AGBL4: variants seen among roughly 807,000 people sequenced by gnomAD.
AGBL4 encodes cytosolic carboxypeptidase 6.
Under a neutral mutation model 66.4 loss-of-function variants are expected in AGBL4, and 58 were observed. The ratio of observed to expected loss-of-function variants is 0.87; its 90% confidence interval spans 0.71 to 1.09. The LOEUF (loss-of-function observed/expected upper bound fraction) is 1.09, where lower values mean the gene tolerates loss of function less well. Ranked by LOEUF, AGBL4 falls within the 50% of genes least tolerant of loss-of-function variation. The probability of loss-of-function intolerance (pLI) is 0.00; values close to 1 mark genes in which losing one functional copy is unlikely to be tolerated. For missense variants in AGBL4, 579 were observed against 631.0 expected (o/e 0.92, Z 0.88); for synonymous variants, 234 against 222.9 (o/e 1.05, Z -0.44).
chr1:49,845,027 A>T, intron 2 of AGBL4: 1 of 1,437,986 alleles, frequency 7.0e-7, no homozygotes, highest in South Asian at 1.3e-5. Flanking sequence ...AAAAGGGAGA[A>T]GCCAGACCTA....
intron 5 of AGBL4, among the ~76,000 whole-genome samples, chr1:48,930,483 T>G (rs1197069152): frequency 6.6e-6 from 1 of 152,144 alleles, no homozygotes; most frequent in Admixed American, 6.6e-5. Context: ...AATAGCAACC[T>G]AGATAGCCAA....
Position 48,736,444 on chromosome 1 carries a change from C to G in AGBL4, c.635-73203G>C. 6.2e-7 allele frequency: 1 copy of G among 1,614,122 alleles called. No homozygotes were observed. Among genetic ancestry groups the G allele is most frequent in the Non-Finnish European group, 8.5e-7 (1 of 1,180,014 alleles). On this transcript the variant is annotated intron_variant, in intron 6 of 13. Coordinates refer to ENST00000371839, the MANE Select transcript of AGBL4 (RefSeq NM_032785.4). The surrounding 1 kb of genome is among the most constrained non-coding windows in gnomAD (Gnocchi z 4.0). Reference sequence around the variant, plus strand: ...CCTCATCAACCCAAATCCCGCTTCCCAGATGGACCTGAGAGGAATAAGAAC... The same window carrying G: ...CCTCATCAACCCAAATCCCGCTTCCGAGATGGACCTGAGAGGAATAAGAAC...
intron 6 of AGBL4, among the ~76,000 whole-genome samples, chr1:48,690,603 TA>T (rs1293771784): frequency 1.3e-5 from 2 of 152,104 alleles, no homozygotes; most frequent in Non-Finnish European, 2.9e-5. Flanking sequence ...TTTTCACATA[TA>T]AGATGTATTA....
intron 3 of AGBL4, among the ~76,000 whole-genome samples, chr1:49,309,249 A>AT (rs1197922024): frequency 1.3e-5 from 2 of 152,044 alleles, no homozygotes; most frequent in African/African-American, 4.8e-5. Flanking sequence ...TGATTATTGT[A>AT]TTTTTTAAGA....
At chr1:49,273,863 T>A (rs1557791721) in intron 3 of AGBL4, among the ~76,000 whole-genome samples, 1 of 151,932 alleles carries the variant, frequency 6.6e-6, no homozygotes, top group South Asian at 2.1e-4. Context: ...TGTATTTTTT[T>A]AGTAGAGACG....
At chr1:48,685,894 T>A (rs1472178049) in intron 6 of AGBL4, among the ~76,000 whole-genome samples, 3 of 152,248 alleles carry the variant, frequency 2.0e-5, no homozygotes, top group Non-Finnish European at 4.4e-5. Context: ...CTAAAATTGT[T>A]GTGGAGCAGC....
At chr1:49,506,910 T>C (rs984249025) in intron 3 of AGBL4, among the ~76,000 whole-genome samples, 4 of 152,132 alleles carry the variant, frequency 2.6e-5, no homozygotes, top group South Asian at 2.1e-4. Context: ...GTGTATTTCA[T>C]TGATGGTTCC....
intron 5 of AGBL4, among the ~76,000 whole-genome samples, chr1:48,998,820 T>C (rs994127137): frequency 2.0e-5 from 3 of 152,186 alleles, no homozygotes; most frequent in African/African-American, 7.2e-5. Flanking sequence ...TTGGGTTTCC[T>C]TGACTATTAT....
intron 4 of AGBL4, among the ~76,000 whole-genome samples, chr1:49,106,245 G>A (rs1048858776): frequency 2.0e-5 from 3 of 152,148 alleles, no homozygotes; most frequent in African/African-American, 7.2e-5. Context: ...TTTACCAAAA[G>A]GGTTTTACCT....
chr1:48,956,072 T>C (rs576611774), intron 5 of AGBL4, among the ~76,000 whole-genome samples: 6 of 152,246 alleles, frequency 3.9e-5, no homozygotes, highest in Non-Finnish European at 8.8e-5. Context: ...TTAGGCCCTG[T>C]TGCATTTGCC....
chr1:49,812,484 C>T (rs1043311754), intron 2 of AGBL4, among the ~76,000 whole-genome samples: 10 of 152,102 alleles, frequency 6.6e-5, no homozygotes, highest in African/African-American at 2.4e-4. Flanking sequence ...CAAAAAAGAG[C>T]CAGTTCCATT....
At chr1:50,012,128 C>T (rs1277398634) in intron 1 of AGBL4, among the ~76,000 whole-genome samples, 1 of 147,538 alleles carries the variant, frequency 6.8e-6, no homozygotes. Context: ...CACTGCAGTC[C>T]GCAATCCGGC....
At chr1:48,631,314 G>A (rs756601402) in intron 9 of AGBL4, among the ~76,000 whole-genome samples, 1 of 152,206 alleles carries the variant, frequency 6.6e-6, no homozygotes, top group Non-Finnish European at 1.5e-5. Context: ...GAAGTCAAAT[G>A]TGAATTTGAA....
At chr1:49,503,748 A>AT (rs1329274642) in intron 3 of AGBL4, among the ~76,000 whole-genome samples, 8 of 152,220 alleles carry the variant, frequency 5.3e-5, no homozygotes. Flanking sequence ...GTTTAGGCCA[A>AT]TTTCTCTCAT....
intron 3 of AGBL4, among the ~76,000 whole-genome samples, chr1:49,347,116 G>A (rs1187571185): frequency 1.3e-5 from 2 of 152,064 alleles, no homozygotes; most frequent in Non-Finnish European, 2.9e-5. Context: ...TTTGTCACAA[G>A]CCCTTGTAGA....
intron 3 of AGBL4, among the ~76,000 whole-genome samples, chr1:49,380,774 G>T (rs1644586248): frequency 6.6e-6 from 1 of 152,126 alleles, no homozygotes; most frequent in South Asian, 2.1e-4. Flanking sequence ...AATGGTGCTG[G>T]GAAAACTGGC....
At chr1:49,425,819 G>C (rs1353564634) in intron 3 of AGBL4, among the ~76,000 whole-genome samples, 2 of 152,188 alleles carry the variant, frequency 1.3e-5, no homozygotes, top group East Asian at 3.9e-4. Flanking sequence ...ATGGTACAAT[G>C]TAAAGTGCAT....
At chr1:48,925,506 AT>A (rs1033165863) in intron 5 of AGBL4, among the ~76,000 whole-genome samples, 2 of 151,672 alleles carry the variant, frequency 1.3e-5, no homozygotes, top group East Asian at 1.9e-4. Context: ...ACATTATGAG[AT>A]TTTTTTTGTG....
At chr1:48,535,001 G>T in intron 12 of AGBL4, 85 bp from the exon 13 acceptor site, 1 of 1,281,012 alleles carries the variant, frequency 7.8e-7, no homozygotes, top group Non-Finnish European at 1.1e-6. Context: ...ATCTGTCATT[G>T]AAGGATGTTG....
Sources: gnomAD v4.1 joint callset for allele counts (sites outside exome capture counted in the v4.1 genomes callset) on GRCh38, gnomAD v4.1.1 for gene constraint, Gnocchi (gnomAD v3.1) non-coding constraint, MANE v1.5 for transcripts, NCBI Gene and HGNC (gene_info 2026-07-23, HGNC 2026-07-21) for gene names.